Variants in SNTA1 observed in about 807,000 individuals in gnomAD.
The protein encoded by SNTA1 is alpha-1-syntrophin.
In SNTA1, 31 loss-of-function variants were observed where a neutral mutation model predicts 47.1. The ratio of observed to expected loss-of-function variants is 0.66; its 90% CI spans 0.49 to 0.89. The LOEUF is 0.89. Among genes scored for constraint, SNTA1 ranks in the 40% least tolerant of loss-of-function variants. SNTA1 has a pLI of 0.00. For missense variants in SNTA1, 575 were observed against 693.0 expected, an observed-to-expected ratio of 0.83 and a Z score of 1.91; for synonymous variants, 300 against 313.6, an observed-to-expected ratio of 0.96 and a Z score of 0.46.
intron 2 of SNTA1, among the ~76,000 whole-genome samples, chr20:33,421,850 G>A (rs291687): frequency 0.62 from 92,850 of 149,244 alleles, 29,275 homozygotes; most frequent in South Asian, 0.69. Context: ...CCAGCTACTC[G>A]GGAGGCTGAG....
intron 2 of SNTA1, among the ~76,000 whole-genome samples, chr20:33,432,009 T>A (rs1015309876): frequency 1.3e-5 from 2 of 152,184 alleles, no homozygotes; most frequent in Non-Finnish European, 2.9e-5. Flanking sequence ...GGGAGTCACA[T>A]GGTCCAAAGC....
chr20:33,421,125 A>AT (rs1990008301), intron 2 of SNTA1, among the ~76,000 whole-genome samples: 1 of 146,920 alleles, frequency 6.8e-6, no homozygotes, highest in African/African-American at 2.5e-5. Flanking sequence ...GCAAGCCATG[A>AT]TTACGCCATT....
intron 3 of SNTA1, among the ~76,000 whole-genome samples, chr20:33,415,139 CACAT>C (rs1989842941): frequency 6.6e-6 from 1 of 152,192 alleles, no homozygotes; most frequent in South Asian, 2.1e-4. Context: ...TATGTGCATA[CACAT>C]ACAAATAACA....
In SNTA1 at chr20:33,443,324, GC is replaced by G; in HGVS notation, c.296del (p.Gly99AlafsTer40). 1 of 1,508,238 alleles carries G rather than the reference GC, an allele frequency of 6.6e-7. No homozygotes were observed. Among genetic ancestry groups the G allele is most frequent in the Admixed American group, 2.0e-5 (1 of 49,452 alleles). 93.4% of individuals were successfully genotyped at this position (1,508,238 alleles called of 1,614,324 possible). A position where few individuals can be genotyped will look rare whatever the true frequency, so the allele number is the denominator to read the frequency against. On this transcript the variant is annotated frameshift_variant, in exon 1 of 8. Transcript: ENST00000217381. LOFTEE classifies it high-confidence loss of function. ...TVRKADAGGL[G>X]ISIKGGRENK... Reference sequence around the variant, plus strand: ...TCCCGCGCCCACCTTTGATGCTGATGCCCAGCCCACCGGCGTCGGCCTTGCG... The same window carrying G: ...TCCCGCGCCCACCTTTGATGCTGATGCCAGCCCACCGGCGTCGGCCTTGCG...
At chr20:33,440,624 C>T (rs1431823256) in intron 1 of SNTA1, among the ~76,000 whole-genome samples, 1 of 151,970 alleles carries the variant, frequency 6.6e-6, no homozygotes, top group South Asian at 2.1e-4. Context: ...CCAGCATGGG[C>T]GACAGAACAA....
At chr20:33,441,665 C>T (rs1990581831) in intron 1 of SNTA1, among the ~76,000 whole-genome samples, 1 of 152,108 alleles carries the variant, frequency 6.6e-6, no homozygotes, top group Non-Finnish European at 1.5e-5. Context: ...AACAGGAGCC[C>T]AGATTTGGAT....
chr20:33,443,631 G>T lies in SNTA1; in HGVS notation c.-11C>A. 1 of 1,207,700 alleles carries T rather than the reference G, an allele frequency of 8.3e-7. No homozygotes were observed. Among genetic ancestry groups the T allele is most frequent in the South Asian group, 3.0e-5 (1 of 33,468 alleles). The allele number at this position is 1,207,700 out of a possible 1,614,324, so 74.8% of individuals were successfully genotyped here. ...CCTGCCGGACGCCATCTTCGCCTCC[G>T]AGCCCCCGGGCCGCCGCGCTCGCCC... is the stretch of plus-strand genomic sequence containing the variant. On this transcript the variant is annotated 5_prime_UTR_variant, in exon 1 of 8. Transcript: ENST00000217381.
At chr20:33,420,072 TACC>T (rs1350426454) in intron 2 of SNTA1, among the ~76,000 whole-genome samples, 1 of 152,000 alleles carries the variant, frequency 6.6e-6, no homozygotes, top group African/African-American at 2.4e-5. Flanking sequence ...TACAGGTGCG[TACC>T]ACCACACCCA....
Position 33,408,761 on chromosome 20 carries a change from C to T in SNTA1, c.1365G>A (p.Met455Ile), listed in dbSNP as rs1360365145. Reference sequence around the variant, plus strand: ...GGAGACTGGCACCGTCATCTGAAGACATCTGCAGCTTCTCGAAGGGCTGTC... The same window carrying T: ...GGAGACTGGCACCGTCATCTGAAGATATCTGCAGCTTCTCGAAGGGCTGTC... Reference protein sequence around the residue: ...LLRQPFEKLQMSSDDGASLLF... With the variant: ...LLRQPFEKLQISSDDGASLLF... The change falls in exon 7 of 8, where the codon ATG becomes ATA. Residue 455 changes from methionine (M) to isoleucine (I), a missense_variant. Coordinates refer to ENST00000217381, the MANE Select transcript of SNTA1 (RefSeq NM_003098.3). 5.6e-6 allele frequency: 9 copies of T among 1,614,210 alleles called. No individual in the cohort carries two copies. The highest frequency in any genetic ancestry group is 7.6e-6 in the Non-Finnish European group (9 of 1,180,034).
At chr20:33,417,146 G>A (rs1339532919) in intron 3 of SNTA1, among the ~76,000 whole-genome samples, 1 of 151,852 alleles carries the variant, frequency 6.6e-6, no homozygotes, top group African/African-American at 2.4e-5. Flanking sequence ...ATAAAATGGA[G>A]GTGAAATAAT....
intron 2 of SNTA1, among the ~76,000 whole-genome samples, chr20:33,418,622 G>A (rs1464892626): frequency 4.7e-5 from 7 of 150,478 alleles, no homozygotes; most frequent in Admixed American, 6.7e-5. Flanking sequence ...GTGAAACCCC[G>A]TCTCTACTGA....
chr20:33,412,556 T>A lies in SNTA1; in HGVS notation c.909+19A>T. On this transcript the variant is annotated intron_variant, in intron 4 of 7. Transcript: ENST00000217381. ...GGAGCGGAAGAGAGAGAGGGATAGG[T>A]CCCAGGCCCAGCAGGTACCTGCTCA... 1 of 1,610,114 alleles carries A rather than the reference T, an allele frequency of 6.2e-7. No individual in the cohort carries two copies. Among genetic ancestry groups the A allele is most frequent in the Non-Finnish European group, 8.5e-7 (1 of 1,177,958 alleles).
chr20:33,416,985 C>T (rs1389733220), intron 3 of SNTA1, among the ~76,000 whole-genome samples: 4 of 148,202 alleles, frequency 2.7e-5, no homozygotes, highest in African/African-American at 7.5e-5. Context: ...TGGTGGTGGG[C>T]GCCTGTAGTC....
At chr20:33,421,400 C>A (rs1210982211) in intron 2 of SNTA1, among the ~76,000 whole-genome samples, 1 of 151,950 alleles carries the variant, frequency 6.6e-6, no homozygotes, top group East Asian at 1.9e-4. Context: ...TCACCTGAGG[C>A]TGGGAGTTCA....
At position 33,408,234 on chromosome 20, in the gene SNTA1, TG is replaced by T. The variant is rs1439664413; in HGVS notation, c.*272del. ...ACAGGGGCAGGTCCCAGACTCGGAA[TG>T]GCTTCTGTGTACACAAAATATCTCT... On this transcript the variant is annotated 3_prime_UTR_variant, in exon 8 of 8. Transcript: ENST00000217381. 1.0e-5 allele frequency: 5 copies of T among 491,916 alleles called. No individual in the cohort carries two copies. The highest frequency in any genetic ancestry group is 9.7e-5 in the African/African-American group (5 of 51,496). 30.5% of individuals were successfully genotyped at this position (491,916 alleles called of 1,614,324 possible). A position where few individuals can be genotyped will look rare whatever the true frequency, so the allele number is the denominator to read the frequency against.
chr20:33,443,289 G>T, intron 1 of SNTA1, 22 bp downstream of exon 1: 1 of 1,496,476 alleles, frequency 6.7e-7, no homozygotes, highest in South Asian at 1.2e-5. Context: ...ACGACCCCGC[G>T]CCCTCGGTGT....
At chr20:33,439,140 A>T in intron 1 of SNTA1, 114 bp from the exon 2 acceptor site, 1 of 943,150 alleles carries the variant, frequency 1.1e-6, no homozygotes, top group Non-Finnish European at 1.7e-6. Context: ...CAGTGCTGGA[A>T]AAGGCAATGG....
intron 3 of SNTA1, among the ~76,000 whole-genome samples, 176 bp from the exon 4 acceptor site, chr20:33,412,958 G>A (rs946212613): frequency 6.6e-6 from 1 of 152,122 alleles, no homozygotes; most frequent in African/African-American, 2.4e-5. Context: ...GCTTCATGGG[G>A]CATAGGAACA....
At chr20:33,437,931 G>A (rs1322316817) in intron 2 of SNTA1, among the ~76,000 whole-genome samples, 2 of 152,260 alleles carry the variant, frequency 1.3e-5, no homozygotes, top group African/African-American at 4.8e-5. Flanking sequence ...GAACAGTGGA[G>A]AAAGCCATTC....
Sources: gnomAD v4.1 joint callset for allele counts (sites outside exome capture counted in the v4.1 genomes callset) on GRCh38, gnomAD v4.1.1 for gene constraint, MANE v1.5 for transcripts, NCBI Gene and HGNC (gene_info 2026-07-23, HGNC 2026-07-21) for gene names.